The following CYP4X1 variants were observed in gnomAD, a reference collection of about 807,000 sequenced individuals.
CYP4X1 encodes the protein cytochrome P450 4X1.
Under a neutral mutation model 57.9 loss-of-function variants are expected in CYP4X1, and 44 were observed. The ratio of observed to expected loss-of-function variants is 0.76; its 90% CI spans 0.60 to 0.98. The LOEUF (loss-of-function observed/expected upper bound fraction) is 0.98, where lower values mean the gene tolerates loss of function less well. Ranked by LOEUF, CYP4X1 falls within the 50% of genes least tolerant of loss-of-function variation. The pLI is 0.00. For synonymous variants in CYP4X1, 227 were observed against 228.6 expected, an observed-to-expected ratio of 0.99 and a Z score of 0.06; for missense variants, 532 against 623.9, an observed-to-expected ratio of 0.85 and a Z score of 1.57.
the CYP4X1 span, among the ~76,000 whole-genome samples, chr1:47,007,429 G>A: frequency 5.3e-5 from 8 of 152,082 alleles, no homozygotes; most frequent in South Asian, 6.2e-4. Flanking sequence ...CCATCTGTAC[G>A]TCACCATGAT....
rs746979570 is a variant in CYP4X1 at position 47,046,579 on chromosome 1, G to C, written c.1186G>C (p.Asp396His). The change falls in exon 9 of 12, where the codon GAT becomes CAT. Residue 396 changes from aspartate (D) to histidine (H), a missense_variant. Transcript: ENST00000371901. ...RDLSKPLTFP[D>H]GCTLPAGITV... ...TCTCAGCAAGCCACTTACCTTCCCA[G>C]ATGGATGCACATTGCCTGCAGGTCT... 6.2e-7 allele frequency: 1 copy of C among 1,614,142 alleles called. No individual in the cohort carries two copies. Among genetic ancestry groups the C allele is most frequent in the South Asian group, 1.1e-5 (1 of 91,066 alleles).
the CYP4X1 span, among the ~76,000 whole-genome samples, chr1:46,964,239 T>C: frequency 6.6e-6 from 1 of 152,140 alleles, no homozygotes; most frequent in Non-Finnish European, 1.5e-5. Context: ...CTTCTCTCAA[T>C]GCATCAAAGT....
the CYP4X1 span, among the ~76,000 whole-genome samples, chr1:46,968,744 A>C: frequency 6.6e-6 from 1 of 152,194 alleles, no homozygotes; most frequent in South Asian, 2.1e-4. Flanking sequence ...GTTTGTCTGA[A>C]GCACAGGATG....
At chr1:46,961,864 C>T in the CYP4X1 span, 7 of 956,330 alleles carry the variant, frequency 7.3e-6, no homozygotes, top group Non-Finnish European at 9.8e-6. Context: ...GACAACCTGG[C>T]CTCTTTGTGC....
chr1:46,961,502 A>C, the CYP4X1 span: 1 of 1,158,312 alleles, frequency 8.6e-7, no homozygotes, highest in South Asian at 1.7e-5. Context: ...TTTGAGCCCA[A>C]CTATGTCAAA....
chr1:47,051,558 T>C (rs1166371425), downstream of CYP4X1, among the ~76,000 whole-genome samples: 1 of 152,156 alleles, frequency 6.6e-6, no homozygotes, highest in East Asian at 1.9e-4. Context: ...AACTGATTTC[T>C]CCCCTTGGAT....
intron 1 of CYP4X1, among the ~76,000 whole-genome samples, chr1:47,026,770 T>G (rs1644070729): frequency 6.6e-6 from 1 of 152,114 alleles, no homozygotes; most frequent in African/African-American, 2.4e-5. Flanking sequence ...CAGGCTGGAG[T>G]GCAGTGACGC....
Position 47,049,516 on chromosome 1 carries a change from T to A in CYP4X1, c.1355+12T>A, listed in dbSNP as rs1395857162. On this transcript the variant is annotated intron_variant, in intron 11 of 11. Coordinates refer to ENST00000371901, the MANE Select transcript of CYP4X1 (RefSeq NM_178033.2). ...TCAGCTGGATCAAGGTGAGAACAAT[T>A]TGAAGTTGCTGAAAGTACCCAAAGA... 6.2e-7 allele frequency: 1 copy of A among 1,612,082 alleles called. No homozygotes were observed. The highest frequency in any genetic ancestry group is 8.5e-7 in the Non-Finnish European group (1 of 1,178,244).
intron 4 of CYP4X1, among the ~76,000 whole-genome samples, chr1:47,034,637 C>T (rs921917850): frequency 3.3e-5 from 5 of 152,110 alleles, no homozygotes; most frequent in Non-Finnish European, 5.9e-5. Context: ...GTGGTAAAAA[C>T]ATCAGTGTGA....
chr1:47,006,548 C>T, the CYP4X1 span, among the ~76,000 whole-genome samples: 166 of 152,206 alleles, frequency 1.1e-3, no homozygotes, highest in African/African-American at 3.5e-3. Context: ...ACTGAGGTAC[C>T]GGGTTCATCT....
the CYP4X1 span, among the ~76,000 whole-genome samples, chr1:46,986,016 T>C: frequency 6.6e-6 from 1 of 152,186 alleles, no homozygotes; most frequent in East Asian, 1.9e-4. Context: ...GGATGGAGAA[T>C]GAGCTTGATG....
chr1:47,006,071 AAGTAATCT>A, the CYP4X1 span, among the ~76,000 whole-genome samples: 1 of 152,228 alleles, frequency 6.6e-6, no homozygotes, highest in Non-Finnish European at 1.5e-5. Flanking sequence ...CAGTTTACAG[AAGTAATCT>A]AGATAAACTG....
intron 8 of CYP4X1, among the ~76,000 whole-genome samples, chr1:47,040,897 GCCT>G (rs530852442): frequency 9.0e-4 from 137 of 152,006 alleles, no homozygotes; most frequent in Non-Finnish European, 1.8e-3. Flanking sequence ...CTAAACTTAT[GCCT>G]CCTGTCTGAC....
At chr1:47,045,460 C>A (rs149385748) in intron 8 of CYP4X1, among the ~76,000 whole-genome samples, 1 of 152,318 alleles carries the variant, frequency 6.6e-6, no homozygotes, top group African/African-American at 2.4e-5. Flanking sequence ...CAAGAACAAT[C>A]TTAGGTCAGT....
intron 1 of CYP4X1, among the ~76,000 whole-genome samples, chr1:47,026,994 C>T (rs1239742959): frequency 1.3e-5 from 2 of 152,190 alleles, no homozygotes; most frequent in African/African-American, 2.4e-5. Flanking sequence ...GGATTACAGG[C>T]GTGAGCCACC....
chr1:47,021,888 C>T (rs138831613), upstream of CYP4X1, among the ~76,000 whole-genome samples: 1 of 152,276 alleles, frequency 6.6e-6, no homozygotes, highest in Non-Finnish European at 1.5e-5. Flanking sequence ...TACTATTCCT[C>T]GGTCTCATGA....
intron 10 of CYP4X1, 122 bp from the exon 11 acceptor site, chr1:47,049,300 A>C (rs775435113): frequency 6.9e-6 from 5 of 721,236 alleles, no homozygotes; most frequent in Non-Finnish European, 1.1e-5. Flanking sequence ...TGTGACCACC[A>C]GAACATTTTA....
the CYP4X1 span, among the ~76,000 whole-genome samples, chr1:46,990,377 G>T: frequency 2.0e-5 from 3 of 152,124 alleles, no homozygotes; most frequent in Non-Finnish European, 4.4e-5. Flanking sequence ...TTAGAATGGC[G>T]ATCATTAAAA....
chr1:46,981,380 A>G, the CYP4X1 span, among the ~76,000 whole-genome samples: 1 of 152,242 alleles, frequency 6.6e-6, no homozygotes, highest in Non-Finnish European at 1.5e-5. Flanking sequence ...CACATGAAAA[A>G]AAGCTCATCA....
Sources: gnomAD v4.1 joint callset for allele counts (sites outside exome capture counted in the v4.1 genomes callset) on GRCh38, gnomAD v4.1.1 for gene constraint, MANE v1.5 for transcripts, NCBI Gene and HGNC (gene_info 2026-07-23, HGNC 2026-07-21) for gene names.